The following KNL1 variants were observed in gnomAD, a reference collection of about 807,000 sequenced individuals.
KNL1 encodes outer kinetochore KNL1 complex subunit KNL1.
A neutral mutation model predicts 201.3 loss-of-function variants in KNL1; 66 were observed. The ratio of observed to expected loss-of-function variants is 0.33; its 90% confidence interval spans 0.27 to 0.40. The LOEUF (loss-of-function observed/expected upper bound fraction) is 0.40, where lower values mean the gene tolerates loss of function less well. KNL1 is among the 10% of genes least tolerant of loss of function. The probability of loss-of-function intolerance (pLI) is 1.00; values close to 1 mark genes in which losing one functional copy is unlikely to be tolerated. For synonymous variants in KNL1, 895 were observed against 899.2 expected (o/e 1.00, Z 0.08); for missense variants, 2,815 against 2,690.5 (o/e 1.05, Z -1.02).
chr15:40,623,171 A>G lies in KNL1; in HGVS notation c.2907A>G (p.Arg969=). The G allele has an allele frequency of 6.2e-7, 1 of 1,614,026 alleles. No homozygotes were observed. The highest frequency in any genetic ancestry group is 1.3e-5 in the African/African-American group (1 of 75,050). Residue 969 remains arginine, a synonymous_variant, in exon 10 of 26, where the codon AGA becomes AGG. Coordinates refer to ENST00000399668, the MANE Select transcript of KNL1 (RefSeq NM_144508.5). ...TVFIDYQEKE[R]TDRPNFELSQ... ...TCATTGACTACCAAGAAAAGGAAAGAACAGACAGACCTAACTTTGAACTAT... is the reference window on the plus strand; with the variant it reads ...TCATTGACTACCAAGAAAAGGAAAGGACAGACAGACCTAACTTTGAACTAT...
In KNL1 at chr15:40,654,909, T is replaced by G. The variant is rs772356411; in HGVS notation, c.6416T>G (p.Val2139Gly). 1 of 1,610,286 alleles carries G rather than the reference T, an allele frequency of 6.2e-7. No individual in the cohort carries two copies. The highest frequency in any genetic ancestry group is 1.7e-5 in the Admixed American group (1 of 59,974). ...AAATCATTATTCTGGTTCTTTCTAGTTGGTTTCCCTTTCCTGGACAAGCGT... is the reference window on the plus strand; with the variant it reads ...AAATCATTATTCTGGTTCTTTCTAGGTGGTTTCCCTTTCCTGGACAAGCGT... ...QLTITFEESV[V>G]GFPFLDKRYR... Residue 2139 changes from valine (V) to glycine (G), a missense_variant and splice_region_variant, in exon 22 of 26, where the codon GTT becomes GGT. This residue lies in a region of KNL1 where 334 missense variants were observed against 362.6 expected (regional missense o/e 0.92). Coordinates refer to ENST00000399668, the MANE Select transcript of KNL1 (RefSeq NM_144508.5).
At chr15:40,594,593 C>T (rs1201019940) in intron 1 of KNL1, among the ~76,000 whole-genome samples, 1 of 152,180 alleles carries the variant, frequency 6.6e-6, no homozygotes, top group African/African-American at 2.4e-5. Context: ...CGTTGTGCCG[C>T]CTCCCGCTTC....
chr15:40,630,338 G>A (rs1274437203), intron 13 of KNL1, among the ~76,000 whole-genome samples: 1 of 148,878 alleles, frequency 6.7e-6, no homozygotes, highest in Non-Finnish European at 1.5e-5. Flanking sequence ...TTTTTAAAAT[G>A]GAGGTTTTAT....
At chr15:40,640,763 AT>A (rs1018317941) in intron 13 of KNL1, 148 bp from the exon 14 acceptor site, 22 of 571,322 alleles carry the variant, frequency 3.9e-5, no homozygotes, top group Non-Finnish European at 6.5e-5. Flanking sequence ...TCAGATTCCA[AT>A]TTTTTGTTTA....
chr15:40,604,583 G>A (rs2141699552), intron 2 of KNL1, among the ~76,000 whole-genome samples: 1 of 152,206 alleles, frequency 6.6e-6, no homozygotes, highest in East Asian at 1.9e-4. Flanking sequence ...TTGTACAATC[G>A]GGTTTTCAGC....
intron 13 of KNL1, among the ~76,000 whole-genome samples, chr15:40,639,314 G>A (rs1252251249): frequency 3.3e-5 from 5 of 150,574 alleles, no homozygotes; most frequent in East Asian, 2.0e-4. Context: ...GGCCGGGCAC[G>A]ATGGCTCATG....
At chr15:40,653,979 C>T (rs538044547) in intron 21 of KNL1, among the ~76,000 whole-genome samples, 1 of 152,298 alleles carries the variant, frequency 6.6e-6, no homozygotes, top group South Asian at 2.1e-4. Flanking sequence ...CTGTGGTTTT[C>T]CTTAATAGTG....
At chr15:40,650,405 T>C in intron 18 of KNL1, 27 bp downstream of exon 18, 1 of 1,580,624 alleles carries the variant, frequency 6.3e-7, no homozygotes, top group South Asian at 1.1e-5. Context: ...AGGAGATAAA[T>C]GGGTGTGGGG....
chr15:40,617,346 T>G (rs1892374386), intron 8 of KNL1, among the ~76,000 whole-genome samples: 1 of 151,656 alleles, frequency 6.6e-6, no homozygotes, highest in African/African-American at 2.4e-5. Context: ...TTAGTTTAAC[T>G]TCAGTGCTAT....
chr15:40,648,829 C>CTTTT (rs35251316), intron 17 of KNL1, among the ~76,000 whole-genome samples: 2 of 103,284 alleles, frequency 1.9e-5, no homozygotes, highest in African/African-American at 3.5e-5. Flanking sequence ...ACTTAACTTT[C>CTTTT]TTTTTTTTTT....
Position 40,629,340 on chromosome 15 carries a change from A to G in KNL1, c.5651A>G (p.Gln1884Arg). ...FILLQVHILI[Q>R]KPRQSNLPGN... The stretch of plus-strand genomic sequence containing the variant: ...CTTCTCCAGGTCCACATCTTGATAC[A>G]GAAACCCCGACAGAGCAATCTCCCA... Residue 1884 changes from glutamine to arginine, a missense_variant, in exon 13 of 26, where the codon CAG becomes CGG. By Grantham distance (43) the Gln-to-Arg change is conservative (BLOSUM62 1). Coordinates refer to ENST00000399668, the MANE Select transcript of KNL1 (RefSeq NM_144508.5). 6 of 1,606,988 alleles carry G rather than the reference A, an allele frequency of 3.7e-6. No homozygotes were observed. The highest frequency in any genetic ancestry group is 5.1e-6 in the Non-Finnish European group (6 of 1,178,396).
chr15:40,650,400 A>T, intron 18 of KNL1, 22 bp downstream of exon 18: 1 of 1,590,370 alleles, frequency 6.3e-7, no homozygotes, highest in Non-Finnish European at 8.6e-7. Flanking sequence ...AGTTAAGGAG[A>T]TAAATGGGTG....
Position 40,622,472 on chromosome 15 carries a change from G to A in KNL1, c.2208G>A (p.Leu736=), listed in dbSNP as rs1368162499. 1 of 1,614,008 alleles carries A rather than the reference G, an allele frequency of 6.2e-7. No individual in the cohort carries two copies. Among genetic ancestry groups the A allele is most frequent in the Non-Finnish European group, 8.5e-7 (1 of 1,179,932 alleles). ...AGAATTCTAAACTGGCTGAGCCACTGAGGAAAAGTTTAAGCAATCCCACAC... is the reference window on the plus strand; with the variant it reads ...AGAATTCTAAACTGGCTGAGCCACTAAGGAAAAGTTTAAGCAATCCCACAC... ...LGQNSKLAEP[L]RKSLSNPTPD... Residue 736 remains leucine (L), a synonymous_variant, in exon 10 of 26, where the codon CTG becomes CTA. Coordinates refer to ENST00000399668, the MANE Select transcript of KNL1 (RefSeq NM_144508.5).
chr15:40,601,859 CTTTTTTTTTTTT>C (rs36046773), intron 1 of KNL1, among the ~76,000 whole-genome samples: 3 of 64,632 alleles, frequency 4.6e-5, no homozygotes, highest in East Asian at 4.8e-4. Context: ...AAAAATGCAT[CTTTTTTTTTTTT>C]TTTTTTTTTT....
intron 16 of KNL1, 131 bp from the exon 17 acceptor site, chr15:40,646,856 C>CAAA (rs146834597): frequency 1.8e-3 from 349 of 190,898 alleles, no homozygotes; most frequent in South Asian, 2.8e-3. Flanking sequence ...GACTCCGCCT[C>CAAA]AAAAAAAAAA....
chr15:40,602,877 T>C (rs545976560), intron 1 of KNL1, 38 bp from the exon 2 acceptor site: 1 of 1,174,772 alleles, frequency 8.5e-7, no homozygotes, highest in East Asian at 2.4e-5. Flanking sequence ...TGCTCTTCCT[T>C]TTTCCTCATG....
At chr15:40,619,703 C>A (rs1187829520) in intron 9 of KNL1, among the ~76,000 whole-genome samples, 1 of 152,136 alleles carries the variant, frequency 6.6e-6, no homozygotes, top group Non-Finnish European at 1.5e-5. Flanking sequence ...CAAGCCCAGT[C>A]TAGAATGTAA....
intron 13 of KNL1, among the ~76,000 whole-genome samples, chr15:40,632,655 G>C (rs900988295): frequency 6.6e-6 from 1 of 152,170 alleles, no homozygotes; most frequent in East Asian, 1.9e-4. Context: ...GAAAACAGTT[G>C]AAATCATACA....
Position 40,625,413 on chromosome 15 carries a change from C to A in KNL1, c.5149C>A (p.Pro1717Thr). The A allele has an allele frequency of 6.2e-7, 1 of 1,613,786 alleles. No individual in the cohort carries two copies. The highest frequency in any genetic ancestry group is 2.2e-5 in the East Asian group (1 of 44,868). The change falls in exon 10 of 26, where the codon CCT becomes ACT. Residue 1717 changes from proline to threonine, a missense_variant. Physicochemically the swap from Pro to Thr is conservative, Grantham distance 38. Transcript: ENST00000399668. Reference sequence around the variant, plus strand: ...TCAATATATAAATGAGGAAAATCTTCCTGTATATCCTGATGAGATCAATTC... The same window carrying A: ...TCAATATATAAATGAGGAAAATCTTACTGTATATCCTGATGAGATCAATTC... The part of the protein sequence containing the change: ...PSQYINEENL[P>T]VYPDEINSSD...
Sources: allele counts gnomAD v4.1 joint callset (sites outside exome capture counted in the v4.1 genomes callset), GRCh38; gene constraint gnomAD v4.1.1; regional missense constraint gnomAD v4.1.1; transcripts MANE v1.5; gene names NCBI Gene and HGNC (gene_info 2026-07-23, HGNC 2026-07-21).